Variants in MAP3K1 observed in about 807,000 individuals in gnomAD.
MAP3K1 encodes MAP/ERK kinase kinase 1.
Under a neutral mutation model 144.2 loss-of-function variants are expected in MAP3K1, and 36 were observed. The ratio of observed to expected loss-of-function variants is 0.25; its 90% confidence interval spans 0.19 to 0.33. The LOEUF is 0.33. Among genes scored for constraint, MAP3K1 ranks in the 10% least tolerant of loss-of-function variants. The pLI is 1.00. For synonymous variants in MAP3K1, 718 were observed against 688.7 expected, an observed-to-expected ratio of 1.04 and a Z score of -0.67; for missense variants, 1,650 against 1,881.9, an observed-to-expected ratio of 0.88 and a Z score of 2.28.
chr5:56,820,631 A>T, intron 1 of MAP3K1: 2 of 985,230 alleles, frequency 2.0e-6, no homozygotes, highest in Non-Finnish European at 2.4e-6. Flanking sequence ...AAGTGAAAGG[A>T]GATAAGCTGA....
chr5:56,869,170 C>T (rs1043804610), intron 6 of MAP3K1, among the ~76,000 whole-genome samples: 1 of 151,986 alleles, frequency 6.6e-6, no homozygotes, highest in African/African-American at 2.4e-5. Context: ...ACTCAGGAGG[C>T]TGAGGCAGGA....
At chr5:56,888,737 A>T (rs1748458664) in intron 19 of MAP3K1, among the ~76,000 whole-genome samples, 1 of 152,224 alleles carries the variant, frequency 6.6e-6, no homozygotes, top group African/African-American at 2.4e-5. Flanking sequence ...TAATGTAGGT[A>T]TTATAAGCAC....
At chr5:56,878,072 G>A (rs1385598858) in intron 10 of MAP3K1, among the ~76,000 whole-genome samples, 1 of 152,184 alleles carries the variant, frequency 6.6e-6, no homozygotes, top group East Asian at 1.9e-4. Flanking sequence ...TATTGGTGAT[G>A]CTGTCAGTTA....
chr5:56,854,455 GAA>G (rs1561181509), intron 1 of MAP3K1, among the ~76,000 whole-genome samples: 1 of 126,726 alleles, frequency 7.9e-6, no homozygotes, highest in Non-Finnish European at 1.7e-5. Context: ...AAAAAAGAAA[GAA>G]AAAAGAAAAA....
intron 3 of MAP3K1, among the ~76,000 whole-genome samples, chr5:56,862,870 T>G (rs1441706487): frequency 6.6e-6 from 1 of 152,198 alleles, no homozygotes; most frequent in Non-Finnish European, 1.5e-5. Flanking sequence ...ATTGTACAAT[T>G]CAGTGTTTTA....
chr5:56,888,177 C>T (rs747110189), intron 18 of MAP3K1, 49 bp from the exon 19 acceptor site: 2 of 1,585,310 alleles, frequency 1.3e-6, no homozygotes, highest in South Asian at 2.2e-5. Context: ...AAATGGCCTT[C>T]TCTTTTTCAA....
At chr5:56,817,129 AGCG>A (rs1208248142) in intron 1 of MAP3K1, 2 of 985,038 alleles carry the variant, frequency 2.0e-6, no homozygotes, top group East Asian at 2.3e-4. Context: ...AATTTAGACC[AGCG>A]GTTTATTGGC....
rs1748415883 is a variant in MAP3K1, at chr5:56,887,599, G to C, written c.4257+79G>C. ...CAGCATTATACTAAATTATCTTGCA[G>C]TGGTATCCAGTATGTACTTACCAAC... On this transcript the variant is annotated intron_variant, in intron 18 of 19. Coordinates refer to ENST00000399503, the MANE Select transcript of MAP3K1 (RefSeq NM_005921.2). 2.7e-6 allele frequency: 4 copies of C among 1,462,494 alleles called. No homozygotes were observed. In the East Asian group the frequency reaches 9.1e-5, roughly 33 times the overall value. 90.6% of individuals were successfully genotyped at this position (1,462,494 alleles called of 1,614,324 possible).
chr5:56,883,572 A>G lies in MAP3K1; in HGVS notation c.3712A>G (p.Arg1238Gly), dbSNP rs1440062669. The change falls in exon 15 of 20, where the codon AGA (arginine) becomes GGA (glycine). Residue 1238 changes from arginine (R) to glycine (G), a missense_variant. Physicochemically the swap from Arg to Gly is moderately radical, Grantham distance 125. Transcript: ENST00000399503. ...PGHTKAKQPY[R>G]EDTEWLKGQQ... ...ACATACCAAAGCAAAACAACCGTAT[A>G]GAGAAGACACTGAATGGCTGAAAGG... 6.2e-7 allele frequency: 1 copy of G among 1,614,160 alleles called. No homozygotes were observed.
chr5:56,886,084 T>G, intron 17 of MAP3K1, 21 bp downstream of exon 17: 2 of 1,599,364 alleles, frequency 1.3e-6, no homozygotes, highest in Non-Finnish European at 8.6e-7. Context: ...TTCTAATTAT[T>G]ATCTAGTGAC....
At chr5:56,878,841 C>A in intron 10 of MAP3K1, 139 bp from the exon 11 acceptor site, 1 of 732,576 alleles carries the variant, frequency 1.4e-6, no homozygotes, top group Non-Finnish European at 2.4e-6. Flanking sequence ...ATTACAGAAG[C>A]ATGGAATTCT....
At chr5:56,859,461 G>A (rs558612309) in intron 2 of MAP3K1, among the ~76,000 whole-genome samples, 3 of 152,182 alleles carry the variant, frequency 2.0e-5, no homozygotes, top group South Asian at 2.1e-4. Flanking sequence ...AGTTTTGTAT[G>A]CATTACAAAA....
At position 56,875,202 on chromosome 5, in the gene MAP3K1, C is replaced by G. The variant is rs1342745687; in HGVS notation, c.1857C>G (p.Thr619=). The G allele has an allele frequency of 1.5e-5, 25 of 1,614,128 alleles. No homozygotes were observed. Among genetic ancestry groups the G allele is most frequent in the Non-Finnish European group, 2.1e-5 (25 of 1,180,000 alleles). Residue 619 remains threonine (T), a synonymous_variant, in exon 10 of 20, where the codon ACC becomes ACG. Coordinates refer to ENST00000399503, the MANE Select transcript of MAP3K1 (RefSeq NM_005921.2). ...SSGSSPSGGA[T]SGSSQTSISG... ...GAAGCAGCCCGAGTGGGGGAGCCAC[C>G]AGTGGGTCTTCCCAGACCAGTATCT...
chr5:56,827,734 T>G (rs1159205396), intron 1 of MAP3K1, among the ~76,000 whole-genome samples: 1 of 151,992 alleles, frequency 6.6e-6, no homozygotes, highest in Non-Finnish European at 1.5e-5. Flanking sequence ...CTTGGTGGTG[T>G]GTGCCTGTAA....
chr5:56,835,989 A>G (rs941850005), intron 1 of MAP3K1, among the ~76,000 whole-genome samples: 2 of 152,222 alleles, frequency 1.3e-5, no homozygotes, highest in Non-Finnish European at 2.9e-5. Context: ...CAAATTTTGT[A>G]AAGAATTGGC....
At chr5:56,839,715 A>G (rs1746754743) in intron 1 of MAP3K1, among the ~76,000 whole-genome samples, 1 of 152,104 alleles carries the variant, frequency 6.6e-6, no homozygotes, top group South Asian at 2.1e-4. Context: ...TGACACCCCA[A>G]AGATGTGCAC....
intron 1 of MAP3K1, among the ~76,000 whole-genome samples, chr5:56,843,803 A>G (rs1377532107): frequency 6.6e-6 from 1 of 152,190 alleles, no homozygotes; most frequent in Non-Finnish European, 1.5e-5. Flanking sequence ...CACTACAGAC[A>G]TGCTAAATTT....
At chr5:56,872,075 T>A in intron 7 of MAP3K1, 44 bp downstream of exon 7, 1 of 1,612,194 alleles carries the variant, frequency 6.2e-7, no homozygotes, top group Non-Finnish European at 8.5e-7. Flanking sequence ...ACACAGTTGC[T>A]CTCTGAGCTA....
At position 56,877,119 on chromosome 5, in the gene MAP3K1, C is replaced by T. The variant is rs374543407; in HGVS notation, c.1965+1809C>T. 8.9e-4 allele frequency among the ~76,000 whole-genome samples: 135 copies of T among 152,254 alleles called. 3 individuals are homozygous for T. In the South Asian group the frequency reaches 0.027, roughly 31 times the overall value. ...TGTTTCCCAGAGTTATTTTGCTACA[C>T]CTTGTTTTTTCATGTAGCATCTGGA... On this transcript the variant is annotated intron_variant, in intron 10 of 19. Coordinates refer to ENST00000399503, the MANE Select transcript of MAP3K1 (RefSeq NM_005921.2).
Sources: allele counts gnomAD v4.1 joint callset (sites outside exome capture counted in the v4.1 genomes callset), GRCh38; gene constraint gnomAD v4.1.1; transcripts MANE v1.5; gene names NCBI Gene and HGNC (gene_info 2026-07-23, HGNC 2026-07-21).